The following C2CD3 variants were observed in gnomAD, a reference collection of about 807,000 sequenced individuals.
C2CD3 encodes the protein C2 domain-containing protein 3.
A neutral mutation model predicts 234.0 loss-of-function variants in C2CD3; 148 were observed. That is an observed-to-expected ratio of 0.63 (90% CI 0.55 to 0.72). The LOEUF (loss-of-function observed/expected upper bound fraction) is 0.72. Among genes scored for constraint, C2CD3 ranks in the 30% least tolerant of loss-of-function variants. The probability of loss-of-function intolerance (pLI) is 0.00; values close to 1 mark genes in which losing one functional copy is unlikely to be tolerated. For synonymous variants in C2CD3, 1,000 were observed against 1,035.4 expected (o/e 0.97, Z 0.66); for missense variants, 2,577 against 2,811.5 (o/e 0.92, Z 1.89).
chr11:74,161,563 A>G lies in C2CD3; in HGVS notation c.326-7T>C, dbSNP rs1357598030. ...AGCACCAGCACAGCCATATCTAACCAGAAACAATTACAACATGGATATTTT... is the reference window on the plus strand; with the variant it reads ...AGCACCAGCACAGCCATATCTAACCGGAAACAATTACAACATGGATATTTT... On this transcript the variant is annotated splice_region_variant and splice_polypyrimidine_tract_variant and intron_variant, in intron 2 of 32. Transcript: ENST00000334126. 6.5e-7 allele frequency: 1 copy of G among 1,539,436 alleles called. No homozygotes were observed. Among genetic ancestry groups the G allele is most frequent in the South Asian group, 1.3e-5 (1 of 79,970 alleles).
At chr11:74,079,197 T>G (rs998228476) in intron 22 of C2CD3, among the ~76,000 whole-genome samples, 2 of 152,184 alleles carry the variant, frequency 1.3e-5, no homozygotes, top group Non-Finnish European at 2.9e-5. Flanking sequence ...ATCAAGGGAA[T>G]CGGCACTTAG....
At chr11:74,060,933 G>A (rs1954207244) in intron 24 of C2CD3, among the ~76,000 whole-genome samples, 1 of 152,174 alleles carries the variant, frequency 6.6e-6, no homozygotes, top group African/African-American at 2.4e-5. Flanking sequence ...GTCCTTGAAT[G>A]ACCTGATGGA....
intron 24 of C2CD3, among the ~76,000 whole-genome samples, chr11:74,066,375 T>A (rs1160482157): frequency 6.6e-6 from 1 of 151,148 alleles, no homozygotes; most frequent in Non-Finnish European, 1.5e-5. Flanking sequence ...TGCACACATA[T>A]GTAACAAACC....
At chr11:74,052,610 T>G (rs1329337621) in intron 26 of C2CD3, among the ~76,000 whole-genome samples, 1 of 152,120 alleles carries the variant, frequency 6.6e-6, no homozygotes, top group Non-Finnish European at 1.5e-5. Flanking sequence ...GAAAGGAGGG[T>G]GGAGCCCAGC....
chr11:74,101,800 T>C (rs1565295255), intron 14 of C2CD3, among the ~76,000 whole-genome samples: 2 of 151,874 alleles, frequency 1.3e-5, no homozygotes, highest in Non-Finnish European at 2.9e-5. Flanking sequence ...GGCTATCTAG[T>C]ATAAGGGGAA....
Position 74,168,562 on chromosome 11 carries a change from T to C in C2CD3, c.107A>G (p.Gln36Arg), listed in dbSNP as rs1426879791. 1.2e-6 allele frequency: 2 copies of C among 1,614,208 alleles called. No individual in the cohort carries two copies. Among genetic ancestry groups the C allele is most frequent in the African/African-American group, 2.7e-5 (2 of 75,078 alleles). Residue 36 changes from glutamine (Q) to arginine (R), a missense_variant, in exon 2 of 33, where the codon CAG (glutamine) becomes CGG (arginine). Transcript: ENST00000334126. ...STSLPPLVEG[Q>R]LRCFLKLTVN... ...AGTAAGTTTTAGAAAACAGCGTAGC[T>C]GGCCTTCAACCAGAGGTGGCAGGCT...
chr11:74,050,485 G>A (rs1353124512), intron 26 of C2CD3, among the ~76,000 whole-genome samples: 1 of 152,062 alleles, frequency 6.6e-6, no homozygotes, highest in African/African-American at 2.4e-5. Context: ...ACGTAGCTGG[G>A]GACACACAGG....
intron 8 of C2CD3, among the ~76,000 whole-genome samples, chr11:74,121,494 C>A (rs1243922247): frequency 1.3e-5 from 2 of 151,358 alleles, no homozygotes; most frequent in African/African-American, 4.9e-5. Context: ...GTAATCCCAG[C>A]TACTCGGGAG....
chr11:74,095,433 G>A (rs190222032), intron 16 of C2CD3, 25 bp from the exon 17 acceptor site: 22,846 of 1,589,956 alleles, frequency 0.014, 253 homozygotes, highest in Middle Eastern at 0.027. Flanking sequence ...AGAAACACTG[G>A]TGAGCTTTAA....
At chr11:74,124,601 T>C (rs898474285) in intron 7 of C2CD3, among the ~76,000 whole-genome samples, 3 of 151,998 alleles carry the variant, frequency 2.0e-5, no homozygotes, top group African/African-American at 7.2e-5. Context: ...AAACCATCAA[T>C]CTATAGTAAC....
chr11:74,078,676 C>T lies in C2CD3; in HGVS notation c.4042G>A (p.Gly1348Ser), dbSNP rs1473239003. 6.8e-6 allele frequency: 11 copies of T among 1,611,956 alleles called. No homozygotes were observed. Among genetic ancestry groups the T allele is most frequent in the African/African-American group, 1.3e-5 (1 of 74,784 alleles). ...ATGAGCTCCAGGCCATGAGGTAGGC[C>T]CCCGTCTTCTGGTAAAATGATAGGA... ...WYPIILPEDG[G>S]LPHGLELMQK... The change falls in exon 23 of 33, where the codon GGC becomes AGC. Residue 1348 changes from glycine (G) to serine (S), a missense_variant. By Grantham distance (56) the Gly-to-Ser change is moderately conservative. Transcript: ENST00000334126.
Position 74,114,461 on chromosome 11 carries a change from A to T in C2CD3, c.1653T>A (p.Pro551=), listed in dbSNP as rs752026863. The T allele has an allele frequency of 6.2e-6, 10 of 1,614,004 alleles. No homozygotes were observed. The highest frequency in any genetic ancestry group is 7.6e-6 in the Non-Finnish European group (9 of 1,179,910). The change falls in exon 10 of 33, where the codon CCT becomes CCA. Residue 551 remains proline, a synonymous_variant. Transcript: ENST00000334126. ...CAGGGGTCATCTGAGGACTATCTGG[A>T]GGAACTCCCATGGTTTCGATGATGA... ...VRIIIETMGV[P]PDSPQMTPGK...
chr11:74,013,577 T>C lies in C2CD3; in HGVS notation c.6922-52A>G, dbSNP rs866601959. 2.0e-5 allele frequency: 22 copies of C among 1,094,678 alleles called. No individual in the cohort carries two copies. In the African/African-American group the frequency reaches 2.3e-4, roughly 11 times the overall value. 67.8% of individuals were successfully genotyped at this position (1,094,678 alleles called of 1,614,324 possible). On this transcript the variant is annotated intron_variant, in intron 32 of 32. Transcript: ENST00000334126. The stretch of plus-strand genomic sequence containing the variant: ...ACCACTGAGGATATGGCACCACCAA[T>C]GGATGACGCTGGTTTCTCTCATCTT...
At chr11:74,071,421 A>G (rs1342522155) in intron 24 of C2CD3, among the ~76,000 whole-genome samples, 1 of 152,218 alleles carries the variant, frequency 6.6e-6, no homozygotes, top group East Asian at 1.9e-4. Context: ...CACTGTGCTG[A>G]GCATAGAGTG....
chr11:74,137,187 C>T (rs1957892061), intron 5 of C2CD3, among the ~76,000 whole-genome samples: 1 of 151,922 alleles, frequency 6.6e-6, no homozygotes, highest in Non-Finnish European at 1.5e-5. Flanking sequence ...CTAACATCCC[C>T]TTCTCTCACC....
chr11:74,052,744 T>A (rs1953756524), intron 26 of C2CD3, among the ~76,000 whole-genome samples: 3 of 152,110 alleles, frequency 2.0e-5, no homozygotes, highest in Admixed American at 2.0e-4. Flanking sequence ...AACATAGAAC[T>A]CATCATCAAA....
chr11:74,101,671 T>C (rs997088243), intron 14 of C2CD3, among the ~76,000 whole-genome samples: 3 of 152,108 alleles, frequency 2.0e-5, no homozygotes, highest in African/African-American at 4.8e-5. Context: ...CAAAAAGCTC[T>C]GCTTAAGTGG....
At chr11:74,084,178 C>T (rs1269857230) in intron 22 of C2CD3, among the ~76,000 whole-genome samples, 1 of 152,044 alleles carries the variant, frequency 6.6e-6, no homozygotes, top group African/African-American at 2.4e-5. Flanking sequence ...TCATTCTGAG[C>T]AAACTATCAC....
chr11:74,077,802 T>C (rs1297417725), intron 23 of C2CD3, among the ~76,000 whole-genome samples: 1 of 12,912 alleles, frequency 7.7e-5, no homozygotes. Flanking sequence ...TATATATATA[T>C]ATATATATAT....
Sources: gnomAD v4.1 joint callset for allele counts (sites outside exome capture counted in the v4.1 genomes callset) on GRCh38, gnomAD v4.1.1 for gene constraint, MANE v1.5 for transcripts, NCBI Gene and HGNC (gene_info 2026-07-23, HGNC 2026-07-21) for gene names.